ZNF143: variants seen among roughly 807,000 people sequenced by gnomAD.
ZNF143 encodes SPH-binding factor.
Under a neutral mutation model 74.1 loss-of-function variants are expected in ZNF143, and 49 were observed. The ratio of observed to expected loss-of-function variants is 0.66; its 90% CI spans 0.53 to 0.84. ZNF143 has a LOEUF of 0.84. Among genes scored for constraint, ZNF143 ranks in the 40% least tolerant of loss-of-function variants. The pLI is 0.00. For synonymous variants in ZNF143, 304 were observed against 282.8 expected, an observed-to-expected ratio of 1.07 and a Z score of -0.75; for missense variants, 637 against 793.4, an observed-to-expected ratio of 0.80 and a Z score of 2.37.
intron 1 of ZNF143, among the ~76,000 whole-genome samples, chr11:9,463,088 T>A (rs1451262281): frequency 6.6e-6 from 1 of 152,140 alleles, no homozygotes; most frequent in African/African-American, 2.4e-5. Flanking sequence ...TTGTCCAGGG[T>A]CATTTATGTT....
Position 9,494,713 on chromosome 11 carries a change from G to C in ZNF143, c.713G>C (p.Arg238Pro). The change falls in exon 8 of 16, where the codon CGA becomes CCA. Residue 238 changes from arginine to proline, a missense_variant. Arg to Pro is a moderately radical substitution (Grantham distance 103). Around this residue, in one of 2 missense-constraint regions of ZNF143, gnomAD observed 293 missense variants for 307.8 expected, o/e 0.95. Transcript: ENST00000396602. ...KSQQSGEKAF[R>P]CEYDGCGKLY... ...CAACAGAGTGGAGAGAAGGCATTTC[G>C]ATGTGAATATGATGGATGTGGAAAA... is the stretch of plus-strand genomic sequence containing the variant. 1 of 1,613,552 alleles carries C rather than the reference G, an allele frequency of 6.2e-7. No homozygotes were observed. The highest frequency in any genetic ancestry group is 8.5e-7 in the Non-Finnish European group (1 of 1,179,524).
chr11:9,511,102 C>CTTTTTTTTTTTTTTTTTTTTTTT (rs777285359), intron 12 of ZNF143, among the ~76,000 whole-genome samples: 1 of 70,748 alleles, frequency 1.4e-5, no homozygotes, highest in Non-Finnish European at 2.6e-5. Context: ...TTAACAGCTT[C>CTTTTTTTTTTTTTTTTTTTTTTT]TTTTTTTTTT....
chr11:9,461,136 C>T (rs913283766), intron 1 of ZNF143, 60 bp downstream of exon 1: 28 of 964,214 alleles, frequency 2.9e-5, no homozygotes, highest in East Asian at 1.2e-4. Flanking sequence ...CCGCCGCCCT[C>T]AGCGCGGCGG....
intron 7 of ZNF143, among the ~76,000 whole-genome samples, chr11:9,487,074 C>T (rs1847586515): frequency 6.7e-6 from 1 of 149,074 alleles, no homozygotes; most frequent in Non-Finnish European, 1.5e-5. Context: ...TCAAGCAATT[C>T]TCCTGCCTCA....
intron 14 of ZNF143, among the ~76,000 whole-genome samples, chr11:9,519,637 G>T (rs760932472): frequency 6.6e-6 from 1 of 151,980 alleles, no homozygotes; most frequent in Non-Finnish European, 1.5e-5. Context: ...TTCTCCCCTT[G>T]GTGAACATTT....
chr11:9,490,321 C>T (rs1191661238), intron 7 of ZNF143, among the ~76,000 whole-genome samples: 1 of 99,028 alleles, frequency 1.0e-5, no homozygotes, highest in Non-Finnish European at 1.9e-5. Context: ...GACAGGGTCT[C>T]ATTTGTTACC....
intron 7 of ZNF143, among the ~76,000 whole-genome samples, chr11:9,482,656 CT>C (rs55996675): frequency 0.018 from 2,539 of 144,472 alleles, 158 homozygotes; most frequent in African/African-American, 0.061. Flanking sequence ...GAATGGGATT[CT>C]TTTTTTTTTT....
chr11:9,476,921 G>A (rs945353564), intron 5 of ZNF143, among the ~76,000 whole-genome samples: 5 of 149,788 alleles, frequency 3.3e-5, no homozygotes, highest in South Asian at 2.1e-4. Flanking sequence ...CACCATGCCC[G>A]GCTAATTTTT....
rs1337608288 is a variant in ZNF143 at position 9,477,709 on chromosome 11, G to A, written c.374-681G>A. Among the ~76,000 whole-genome samples, 5 of 152,236 alleles carry A rather than the reference G, an allele frequency of 3.3e-5. No homozygotes were observed. The South Asian group carries it at 1.0e-3, about 32-fold the overall frequency. ...ATATATCTTAGTGTGGACATTTAGAGGGGAAAAAACCACCATGGAGGGACT... is the reference window on the plus strand; with the variant it reads ...ATATATCTTAGTGTGGACATTTAGAAGGGAAAAAACCACCATGGAGGGACT... On this transcript the variant is annotated intron_variant, in intron 5 of 15. Coordinates refer to ENST00000396602, the MANE Select transcript of ZNF143 (RefSeq NM_003442.6).
intron 15 of ZNF143, 74 bp from the exon 16 acceptor site, chr11:9,527,456 A>C (rs1459409719): frequency 5.4e-5 from 75 of 1,395,734 alleles, no homozygotes; most frequent in Admixed American, 1.0e-4. Context: ...CTTCTGGCAT[A>C]TAACATTTCT....
intron 7 of ZNF143, among the ~76,000 whole-genome samples, chr11:9,488,047 TTG>T (rs754943061): frequency 2.0e-4 from 30 of 152,290 alleles, no homozygotes; most frequent in Non-Finnish European, 3.4e-4. Flanking sequence ...CCTACCTCAT[TTG>T]TCTTTTCAGT....
chr11:9,508,642 G>T lies in ZNF143; in HGVS notation c.1171G>T (p.Val391Phe). 1 of 1,612,824 alleles carries T rather than the reference G, an allele frequency of 6.2e-7. No individual in the cohort carries two copies. Among genetic ancestry groups the T allele is most frequent in the Non-Finnish European group, 8.5e-7 (1 of 1,180,022 alleles). ...AGGAGAAAAGCCATATGTTTGTACA[G>T]TTCCTGGGTGTGACAAAAGGTTTAC... ...HTGEKPYVCT[V>F]PGCDKRFTEY... Residue 391 changes from valine (V) to phenylalanine (F), a missense_variant, in exon 12 of 16, where the codon GTT becomes TTT. Around this residue, in one of 2 missense-constraint regions of ZNF143, gnomAD observed 344 missense variants for 485.6 expected, o/e 0.71. Transcript: ENST00000396602.
chr11:9,487,608 C>T (rs1159358285), intron 7 of ZNF143, among the ~76,000 whole-genome samples: 3 of 152,164 alleles, frequency 2.0e-5, no homozygotes, highest in South Asian at 2.1e-4. Context: ...CCGCCTGCCT[C>T]GGCCTCCCAG....
In ZNF143 at chr11:9,487,501, G is replaced by A. The variant is rs1429822007; in HGVS notation, c.646-7145G>A. On this transcript the variant is annotated intron_variant, in intron 7 of 15. Coordinates refer to ENST00000396602, the MANE Select transcript of ZNF143 (RefSeq NM_003442.6). ...GCATCCTGAGTAGCTGGGACTACAG[G>A]CGCCCACCACCACACCTGGCTAATT... Among the ~76,000 whole-genome samples, 5 of 151,212 alleles carry A rather than the reference G, an allele frequency of 3.3e-5. No individual in the cohort carries two copies. The East Asian group carries it at 5.8e-4, about 18-fold the overall frequency.
chr11:9,474,774 C>A, intron 5 of ZNF143, 141 bp downstream of exon 5: 1 of 944,890 alleles, frequency 1.1e-6, no homozygotes, highest in Non-Finnish European at 1.6e-6. Flanking sequence ...CAGATTTAAG[C>A]ATGATTTAAG....
At chr11:9,503,403 T>C (rs575553578) in intron 11 of ZNF143, among the ~76,000 whole-genome samples, 1 of 152,326 alleles carries the variant, frequency 6.6e-6, no homozygotes, top group Non-Finnish European at 1.5e-5. Flanking sequence ...ATATGGTAAC[T>C]CCATGCTTAA....
At chr11:9,462,936 GCAACATATCACCCC>G (rs774748482) in intron 1 of ZNF143, among the ~76,000 whole-genome samples, 57 of 152,072 alleles carry the variant, frequency 3.7e-4, no homozygotes, top group Admixed American at 1.2e-3. Context: ...AATCAATTTA[GCAACATATCACCCC>G]CAAAAGAAAC....
intron 15 of ZNF143, among the ~76,000 whole-genome samples, chr11:9,527,192 G>A (rs536561082): frequency 1.9e-4 from 29 of 152,174 alleles, no homozygotes; most frequent in Non-Finnish European, 2.2e-4. Context: ...GGCTGGTCTC[G>A]AACTCCTGGG....
intron 7 of ZNF143, among the ~76,000 whole-genome samples, chr11:9,480,458 C>A (rs1847189620): frequency 6.6e-6 from 1 of 151,974 alleles, no homozygotes; most frequent in Non-Finnish European, 1.5e-5. Context: ...TACTCAGGGT[C>A]ACATTTATAA....
Sources: gnomAD v4.1 joint callset for allele counts (sites outside exome capture counted in the v4.1 genomes callset) on GRCh38, gnomAD v4.1.1 for gene constraint, gnomAD v4.1.1 regional missense constraint, MANE v1.5 for transcripts, NCBI Gene and HGNC (gene_info 2026-07-23, HGNC 2026-07-21) for gene names.